Variants in MYCBP observed in about 807,000 individuals in gnomAD.
MYCBP encodes the protein MYC binding protein.
In MYCBP, 5 loss-of-function variants were observed where a neutral mutation model predicts 16.8. The observed-to-expected ratio is 0.30, with a 90% CI of 0.16 to 0.63. MYCBP has a LOEUF of 0.63. Among genes scored for constraint, MYCBP ranks in the 20% least tolerant of loss-of-function variants. The pLI is 0.83. For missense variants in MYCBP, 103 were observed against 121.8 expected (o/e 0.85, Z 0.73); for synonymous variants, 35 against 43.7 (o/e 0.80, Z 0.79).
chr1:38,867,110 A>C, intron 3 of MYCBP, 101 bp from the exon 4 acceptor site: 1 of 1,082,164 alleles, frequency 9.2e-7, no homozygotes, highest in Middle Eastern at 2.8e-4. Context: ...CCACTTTACC[A>C]CCAATATCTA....
intron 2 of MYCBP, among the ~76,000 whole-genome samples, chr1:38,870,799 CAAAAAAAAAAAAA>C (rs60684785): frequency 2.3e-4 from 14 of 60,686 alleles, no homozygotes; most frequent in Non-Finnish European, 3.0e-4. Context: ...GACTCCGTCT[CAAAAAAAAAAAAA>C]AAAAAAAAAA....
In MYCBP at chr1:38,873,280, G is replaced by A. The variant is rs766667150; in HGVS notation, c.15+11C>T. 2.5e-6 allele frequency: 4 copies of A among 1,600,944 alleles called. No individual in the cohort carries two copies. Among genetic ancestry groups the A allele is most frequent in the Admixed American group, 3.4e-5 (2 of 59,594 alleles). ...GCCCGCATGCCCCCAGCCACGCCGCGCCCCCCTCACTTTGTAATGGGCCAT... is the reference window on the plus strand; with the variant it reads ...GCCCGCATGCCCCCAGCCACGCCGCACCCCCCTCACTTTGTAATGGGCCAT... On this transcript the variant is annotated intron_variant, in intron 1 of 4. Transcript: ENST00000397572.
At chr1:38,865,209 T>A (rs1642311211) in intron 4 of MYCBP, among the ~76,000 whole-genome samples, 1 of 152,224 alleles carries the variant, frequency 6.6e-6, no homozygotes, top group African/African-American at 2.4e-5. Flanking sequence ...AATAACTGCA[T>A]TTTCTTTTAT....
In MYCBP at chr1:38,868,701, C is replaced by G. The variant is rs12064708; in HGVS notation, c.89-1091G>C. On this transcript the variant is annotated intron_variant, in intron 2 of 4. Coordinates refer to ENST00000397572, the MANE Select transcript of MYCBP (RefSeq NM_012333.5). ...CGGGCAGATCACGAAGTCAGGAGAT[C>G]AAGACCATCCTGGCTAACACAGTGA... 1.9e-3 allele frequency among the ~76,000 whole-genome samples: 290 copies of G among 152,234 alleles called. 2 individuals carry two copies. The highest frequency in any genetic ancestry group is 6.4e-3 in the African/African-American group (265 of 41,548).
intron 2 of MYCBP, among the ~76,000 whole-genome samples, chr1:38,868,673 AGGCGGGCAG>A (rs1270550300): frequency 2.6e-5 from 4 of 152,316 alleles, no homozygotes; most frequent in Non-Finnish European, 5.9e-5. Flanking sequence ...TGGGAGGCCA[AGGCGGGCAG>A]ATCACGAAGT....
At chr1:38,867,457 A>AT in intron 3 of MYCBP, 105 bp downstream of exon 3, 1 of 1,070,404 alleles carries the variant, frequency 9.3e-7, no homozygotes, top group Non-Finnish European at 1.3e-6. Flanking sequence ...AAAAAAAAAA[A>AT]AAAAAAAGTA....
At chr1:38,873,353 G>T (rs545871294), upstream of MYCBP, 2 of 1,590,470 alleles carry the variant, frequency 1.3e-6, no homozygotes, top group East Asian at 2.2e-5. Flanking sequence ...GCGACTGGCG[G>T]GTTGGGAGCA....
intron 2 of MYCBP, among the ~76,000 whole-genome samples, chr1:38,868,855 G>A (rs187219798): frequency 1.4e-3 from 219 of 152,058 alleles, no homozygotes; most frequent in African/African-American, 4.6e-3. Flanking sequence ...GCAGTGAGCC[G>A]AGATCGTGCC....
At chr1:38,869,716 G>A (rs1478770024) in intron 2 of MYCBP, among the ~76,000 whole-genome samples, 1 of 152,104 alleles carries the variant, frequency 6.6e-6, no homozygotes, top group Non-Finnish European at 1.5e-5. Flanking sequence ...GTGTTTTAAT[G>A]TTATAAACTA....
rs1170107461 is a variant in MYCBP, at chr1:38,873,196, C to A, written c.15+95G>T. The A allele has an allele frequency of 3.2e-6, 5 of 1,563,936 alleles. No homozygotes were observed. The African/African-American group carries it at 4.1e-5, about 13-fold the overall frequency. On this transcript the variant is annotated intron_variant, in intron 1 of 4. Transcript: ENST00000397572. Reference sequence around the variant, plus strand: ...CCGCCTCACTACCTCGGGGCCCTCCCGCCCAAACCTGCGCGCGCGACCCCA... The same window carrying A: ...CCGCCTCACTACCTCGGGGCCCTCCAGCCCAAACCTGCGCGCGCGACCCCA...
intron 2 of MYCBP, 31 bp from the exon 3 acceptor site, chr1:38,867,641 T>C (rs369846918): frequency 5.6e-6 from 9 of 1,602,568 alleles, no homozygotes; most frequent in South Asian, 5.5e-5. Context: ...AAAGCAACAA[T>C]TGACGTATTA....
chr1:38,863,477 G>A lies in MYCBP; in HGVS notation c.*1193C>T, dbSNP rs897021472. 2.6e-5 allele frequency: 4 copies of A among 152,228 alleles called. No individual in the cohort carries two copies. Among genetic ancestry groups the A allele is most frequent in the Non-Finnish European group, 4.4e-5 (3 of 68,020 alleles). 9.4% of individuals were successfully genotyped at this position (152,228 alleles called of 1,614,324 possible). A position where few individuals can be genotyped will look rare whatever the true frequency, so the allele number is the denominator to read the frequency against. On this transcript the variant is annotated 3_prime_UTR_variant, in exon 5 of 5. Coordinates refer to ENST00000397572, the MANE Select transcript of MYCBP (RefSeq NM_012333.5). Reference sequence around the variant, plus strand: ...ACATCTGACTGTAGGTCTACCCAAAGAAAGGAAAAAGGACTAACAAACAAG... The same window carrying A: ...ACATCTGACTGTAGGTCTACCCAAAAAAAGGAAAAAGGACTAACAAACAAG...
chr1:38,872,949 G>A, intron 2 of MYCBP, 69 bp downstream of exon 2: 1 of 1,512,816 alleles, frequency 6.6e-7, no homozygotes, highest in Non-Finnish European at 9.0e-7. Context: ...GCTACGGCCC[G>A]CTGGGGAACG....
intron 4 of MYCBP, among the ~76,000 whole-genome samples, chr1:38,865,046 A>G (rs559188534): frequency 1.2e-4 from 19 of 152,370 alleles, no homozygotes; most frequent in South Asian, 4.1e-4. Flanking sequence ...CTCTCCAGCA[A>G]AAGTTTACTG....
At position 38,864,682 on chromosome 1, in the gene MYCBP, C is replaced by T. The variant is rs1642301490; in HGVS notation, c.300G>A (p.Lys100=). 1 of 1,613,926 alleles carries T rather than the reference C, an allele frequency of 6.2e-7. No individual in the cohort carries two copies. Among genetic ancestry groups the T allele is most frequent in the African/African-American group, 1.3e-5 (1 of 75,044 alleles). ...LAQYEPPQEE[K]RAE ...ACTGAGAAGAATCCTATTCAGCACG[C>T]TTCTCCTCCTGAGGTGGTTCATACT... The change falls in exon 5 of 5, where the codon AAG becomes AAA. Residue 100 remains lysine, a synonymous_variant. Transcript: ENST00000397572.
intron 4 of MYCBP, among the ~76,000 whole-genome samples, chr1:38,866,487 G>T (rs1463913371): frequency 6.6e-6 from 1 of 151,480 alleles, no homozygotes; most frequent in Non-Finnish European, 1.5e-5. Flanking sequence ...CACGATCTTG[G>T]CTCACTGGAA....
intron 2 of MYCBP, among the ~76,000 whole-genome samples, chr1:38,870,999 C>A (rs969965350): frequency 1.3e-5 from 2 of 151,714 alleles, no homozygotes; most frequent in Admixed American, 1.3e-4. Context: ...CAGCACTCTG[C>A]GGGGCTGAGG....
chr1:38,870,326 G>A (rs1570888186), intron 2 of MYCBP, among the ~76,000 whole-genome samples: 1 of 151,996 alleles, frequency 6.6e-6, no homozygotes. Context: ...CAGTCTGGGC[G>A]ACAGAGACCT....
chr1:38,871,266 C>T (rs556322820), intron 2 of MYCBP, among the ~76,000 whole-genome samples: 2 of 152,102 alleles, frequency 1.3e-5, no homozygotes, highest in South Asian at 4.1e-4. Context: ...CATTTTTCTG[C>T]CTTTTACCAT....
Sources: gnomAD v4.1 joint callset for allele counts (sites outside exome capture counted in the v4.1 genomes callset) on GRCh38, gnomAD v4.1.1 for gene constraint, MANE v1.5 for transcripts, NCBI Gene and HGNC (gene_info 2026-07-23, HGNC 2026-07-21) for gene names.